The following HDAC9 variants were observed in gnomAD, a reference collection of about 807,000 sequenced individuals.
The protein encoded by HDAC9 is MEF-2 interacting transcription repressor (MITR) protein.
A neutral mutation model predicts 139.4 loss-of-function variants in HDAC9; 41 were observed. That is an observed-to-expected ratio of 0.29 (90% CI 0.23 to 0.38). The LOEUF (loss-of-function observed/expected upper bound fraction) is 0.38. HDAC9 is among the 10% of genes least tolerant of loss of function. The pLI, the probability that HDAC9 is intolerant of heterozygous loss-of-function variation, is 1.00. For missense variants in HDAC9, 1,147 were observed against 1,297.0 expected (o/e 0.88, Z 1.78); for synonymous variants, 517 against 476.2 (o/e 1.09, Z -1.12).
chr7:18,772,729 T>C (rs564221613), intron 16 of HDAC9, among the ~76,000 whole-genome samples: 1 of 152,204 alleles, frequency 6.6e-6, no homozygotes, highest in South Asian at 2.1e-4. Flanking sequence ...TTGATGCAAT[T>C]GATACTAGCA....
chr7:18,805,977 G>T (rs1488826767), intron 17 of HDAC9, among the ~76,000 whole-genome samples: 1 of 152,268 alleles, frequency 6.6e-6, no homozygotes, highest in Middle Eastern at 3.4e-3. Flanking sequence ...GCCCACTGCT[G>T]GTCCCTGATC....
intron 2 of HDAC9, among the ~76,000 whole-genome samples, chr7:18,558,054 T>G (rs1404083651): frequency 6.6e-6 from 1 of 152,106 alleles, no homozygotes; most frequent in Non-Finnish European, 1.5e-5. Flanking sequence ...AGAAAGCATT[T>G]ATTTTCATTT....
chr7:18,268,836 CAGA>C (rs1796166872), intron 2 of HDAC9, among the ~76,000 whole-genome samples: 2 of 152,272 alleles, frequency 1.3e-5, no homozygotes, highest in South Asian at 2.1e-4. Context: ...AGGAACTGAT[CAGA>C]AGAACAGTTT....
chr7:18,333,318 CTAAT>C (rs1460404412), intron 1 of HDAC9, among the ~76,000 whole-genome samples: 3 of 151,350 alleles, frequency 2.0e-5, no homozygotes, highest in Non-Finnish European at 4.4e-5. Context: ...TGTTGGATTA[CTAAT>C]TAAGAGATCT....
chr7:18,632,564 C>T lies in HDAC9; in HGVS notation c.797-2063C>T, dbSNP rs540936226. Among the ~76,000 whole-genome samples, 8 of 152,106 alleles carry T rather than the reference C, an allele frequency of 5.3e-5. No individual in the cohort carries two copies. The South Asian group carries it at 1.7e-3, about 32-fold the overall frequency. On this transcript the variant is annotated intron_variant, in intron 7 of 25. Transcript: ENST00000686413. ...AGAAAGGAGGATACAAAAGCATGAACTGGAAAAGTATTTGGCATGAAAGGA... is the reference window on the plus strand; with the variant it reads ...AGAAAGGAGGATACAAAAGCATGAATTGGAAAAGTATTTGGCATGAAAGGA...
At chr7:18,695,342 T>C (rs1782967373) in intron 12 of HDAC9, among the ~76,000 whole-genome samples, 2 of 152,198 alleles carry the variant, frequency 1.3e-5, no homozygotes, top group South Asian at 4.1e-4. Context: ...TGTGGGAATG[T>C]TGTGTTTCCC....
intron 2 of HDAC9, among the ~76,000 whole-genome samples, chr7:18,554,666 C>A (rs928775732): frequency 6.6e-6 from 1 of 152,160 alleles, no homozygotes; most frequent in Non-Finnish European, 1.5e-5. Flanking sequence ...GCTGATTCTT[C>A]TGCTGTGACT....
chr7:18,247,387 G>C (rs1363260748), intron 2 of HDAC9, among the ~76,000 whole-genome samples: 1 of 151,992 alleles, frequency 6.6e-6, no homozygotes, highest in African/African-American at 2.4e-5. Context: ...AAAATCATGG[G>C]TGTGTAGTGT....
intron 2 of HDAC9, among the ~76,000 whole-genome samples, chr7:18,213,601 G>A (rs1194109020): frequency 6.6e-6 from 1 of 152,042 alleles, no homozygotes; most frequent in South Asian, 2.1e-4. Flanking sequence ...CACTGATATT[G>A]GCTGAATTCT....
intron 19 of HDAC9, among the ~76,000 whole-genome samples, chr7:18,835,112 C>T (rs893469830): frequency 1.3e-5 from 2 of 152,154 alleles, no homozygotes; most frequent in Non-Finnish European, 2.9e-5. Context: ...AAGATTCCAT[C>T]ACTGAAGCAA....
chr7:18,274,963 G>C (rs1796622581), intron 2 of HDAC9, among the ~76,000 whole-genome samples: 1 of 152,154 alleles, frequency 6.6e-6, no homozygotes, highest in Admixed American at 6.5e-5. Flanking sequence ...AGGGATGGGG[G>C]CTGTGAATGC....
chr7:18,506,858 C>G (rs1046166001), intron 2 of HDAC9, among the ~76,000 whole-genome samples: 2 of 152,076 alleles, frequency 1.3e-5, no homozygotes, highest in Non-Finnish European at 2.9e-5. Flanking sequence ...GTGTAAGCCT[C>G]TGCTTGCTGT....
chr7:18,569,716 C>G (rs991394208), intron 2 of HDAC9, among the ~76,000 whole-genome samples: 22 of 152,206 alleles, frequency 1.4e-4, no homozygotes, highest in African/African-American at 5.3e-4. Flanking sequence ...AATTAATGCA[C>G]AGATATTTAT....
At chr7:18,414,829 G>T (rs1181692801) in intron 1 of HDAC9, among the ~76,000 whole-genome samples, 1 of 152,150 alleles carries the variant, frequency 6.6e-6, no homozygotes, top group East Asian at 1.9e-4. Flanking sequence ...TACATTTAAT[G>T]GGGAAGCAGA....
At chr7:18,745,594 C>T (rs1256602248) in intron 13 of HDAC9, among the ~76,000 whole-genome samples, 2 of 128,460 alleles carry the variant, frequency 1.6e-5, no homozygotes, top group African/African-American at 6.0e-5. Context: ...GGCCGGACTG[C>T]GGACTGCAGT....
chr7:18,888,403 C>T (rs1800368045), intron 22 of HDAC9, among the ~76,000 whole-genome samples: 3 of 152,108 alleles, frequency 2.0e-5, no homozygotes, highest in Non-Finnish European at 4.4e-5. Context: ...CCAGCCTGGG[C>T]GACAGAGCGA....
intron 2 of HDAC9, among the ~76,000 whole-genome samples, chr7:18,531,219 T>G (rs1398509610): frequency 6.6e-6 from 1 of 152,166 alleles, no homozygotes; most frequent in African/African-American, 2.4e-5. Context: ...TCAGGAAGAA[T>G]AATTCTCTTA....
At chr7:18,284,035 C>T (rs919460931) in intron 2 of HDAC9, among the ~76,000 whole-genome samples, 3 of 152,262 alleles carry the variant, frequency 2.0e-5, no homozygotes, top group Middle Eastern at 3.4e-3. Context: ...GTACAATTTA[C>T]ACAACATTCA....
At position 18,388,388 on chromosome 7, in the gene HDAC9, C is replaced by A. The variant is rs1786143430; in HGVS notation, c.-42+97873C>A. Among the ~76,000 whole-genome samples, 4 of 152,198 alleles carry A rather than the reference C, an allele frequency of 2.6e-5. No homozygotes were observed. In the South Asian group the frequency reaches 8.3e-4, roughly 32 times the overall value. On this transcript the variant is annotated intron_variant, in intron 1 of 3. Coordinates refer to the HDAC9 transcript ENST00000413509. ...GAGCCCCCATCCCTTCCATGTAAGTCTGAAGCCCCAATATTGTTTTGTGCA... is the reference window on the plus strand; with the variant it reads ...GAGCCCCCATCCCTTCCATGTAAGTATGAAGCCCCAATATTGTTTTGTGCA...
Sources: gnomAD v4.1 joint callset for allele counts (sites outside exome capture counted in the v4.1 genomes callset) on GRCh38, gnomAD v4.1.1 for gene constraint, MANE v1.5 for transcripts, NCBI Gene and HGNC (gene_info 2026-07-23, HGNC 2026-07-21) for gene names.